CPNE3: variants seen among roughly 807,000 people sequenced by gnomAD.
CPNE3 encodes the protein copine-3.
In CPNE3, 68 loss-of-function variants were observed where a neutral mutation model predicts 63.9. The observed-to-expected ratio is 1.06, with a 90% CI of 0.87 to 1.30. The LOEUF is 1.30. Among genes scored for constraint, CPNE3 ranks in the 50% most tolerant of loss-of-function variants. The pLI, the probability that CPNE3 is intolerant of heterozygous loss-of-function variation, is 0.00. For synonymous variants in CPNE3, 219 were observed against 197.5 expected (o/e 1.11, Z -0.91); for missense variants, 665 against 578.1 (o/e 1.15, Z -1.54).
At chr8:86,555,732 T>C (rs971449424) in intron 15 of CPNE3, among the ~76,000 whole-genome samples, 1 of 152,254 alleles carries the variant, frequency 6.6e-6, no homozygotes, top group Admixed American at 6.5e-5. Flanking sequence ...ATAATTTTTG[T>C]ATTTATTTGA....
At chr8:86,537,452 TACTA>T in intron 6 of CPNE3, 107 bp from the exon 7 acceptor site, 1 of 709,924 alleles carries the variant, frequency 1.4e-6, no homozygotes, top group South Asian at 1.5e-5. Flanking sequence ...TTACTATCAA[TACTA>T]TAGAGTTAGA....
chr8:86,518,563 G>T (rs72690442), intron 2 of CPNE3, among the ~76,000 whole-genome samples: 34,521 of 151,870 alleles, frequency 0.23, 4,092 homozygotes, highest in Non-Finnish European at 0.27. Flanking sequence ...GCTTTGCCAA[G>T]ATGCATGTTC....
rs146519175 is a variant in CPNE3 at position 86,545,714 on chromosome 8, C to G, written c.732+876C>G. Among the ~76,000 whole-genome samples, 472 of 152,190 alleles carry G rather than the reference C, an allele frequency of 3.1e-3. 2 individuals carry two copies. The highest frequency in any genetic ancestry group is 0.011 in the African/African-American group (451 of 41,544). ...AAACTAGTAATGACTGTCTGAAGTACATAAGTGGCTTTGTGTTAACCAGAA... is the reference window on the plus strand; with the variant it reads ...AAACTAGTAATGACTGTCTGAAGTAGATAAGTGGCTTTGTGTTAACCAGAA... On this transcript the variant is annotated intron_variant, in intron 9 of 16. Transcript: ENST00000517490.
At chr8:86,532,474 A>G (rs1413967171) in intron 5 of CPNE3, 35 bp from the exon 6 acceptor site, 1 of 1,542,420 alleles carries the variant, frequency 6.5e-7, no homozygotes, top group South Asian at 1.2e-5. Context: ...AATTCCTAAA[A>G]CATATTTTCT....
rs1329172515 is a variant in CPNE3 at position 86,547,768 on chromosome 8, A to G, written c.877A>G (p.Thr293Ala). 7 of 1,276,496 alleles carry G rather than the reference A, an allele frequency of 5.5e-6. 1 individual carries two copies. The highest frequency in any genetic ancestry group is 4.8e-5 in the South Asian group (4 of 82,892). The allele number at this position is 1,276,496 out of a possible 1,614,324, so 79.1% of individuals were successfully genotyped here. A position where few individuals can be genotyped will look rare whatever the true frequency, so the allele number is the denominator to read the frequency against. Residue 293 changes from threonine to alanine, a missense_variant and splice_region_variant, in exon 11 of 17, where the codon ACT (threonine) becomes GCT (alanine). Physicochemically the swap from Thr to Ala is moderately conservative, Grantham distance 58. Coordinates refer to ENST00000517490, the MANE Select transcript of CPNE3 (RefSeq NM_003909.5). The part of the protein sequence containing the change: ...YIMGGCQLNF[T>A]VGVDFTGSNG... ...AATGGGAGGATGTCAGCTGAATTTT[A>G]CTGTAAGTAACACACTGAATTTTTC...
intron 2 of CPNE3, among the ~76,000 whole-genome samples, chr8:86,526,385 G>T (rs1438453614): frequency 6.6e-6 from 1 of 152,016 alleles, no homozygotes; most frequent in South Asian, 2.1e-4. Context: ...AAAAAAATAT[G>T]AAACATGGGA....
chr8:86,551,313 T>C (rs1586849118), intron 14 of CPNE3, 79 bp downstream of exon 14: 1 of 1,034,758 alleles, frequency 9.7e-7, no homozygotes, highest in South Asian at 1.4e-5. Context: ...GTTCTTTGTT[T>C]TTTTTCTTGT....
chr8:86,524,848 T>TTTTC (rs112667695), intron 2 of CPNE3: 1,500 of 133,644 alleles, frequency 0.011, 44 homozygotes, highest in East Asian at 0.02. Context: ...ATTTTTTCAT[T>TTTTC]TTTCTTTCTT....
chr8:86,528,604 A>T lies in CPNE3; in HGVS notation c.59A>T (p.Asp20Val). The T allele has an allele frequency of 6.2e-7, 1 of 1,614,100 alleles. No individual in the cohort carries two copies. The highest frequency in any genetic ancestry group is 1.1e-5 in the South Asian group (1 of 91,072). Reference protein sequence around the residue: ...ALNVSCANLLDKDIGSKSDPL... With the variant: ...ALNVSCANLLVKDIGSKSDPL... ...AATGTTTCCTGTGCCAATCTTTTGG[A>T]TAAAGATATAGGGTCAAAGTCAGAC... Residue 20 changes from aspartate to valine, a missense_variant, in exon 3 of 17, where the codon GAT becomes GTT. Transcript: ENST00000517490.
At chr8:86,538,593 A>T (rs1820858718) in intron 7 of CPNE3, among the ~76,000 whole-genome samples, 1 of 152,076 alleles carries the variant, frequency 6.6e-6, no homozygotes, top group South Asian at 2.1e-4. Context: ...TTTGGATTTG[A>T]CTATTATATT....
chr8:86,528,836 A>G (rs1330378654), intron 3 of CPNE3, 109 bp from the exon 4 acceptor site: 8 of 1,305,328 alleles, frequency 6.1e-6, no homozygotes, highest in Non-Finnish European at 1.0e-6. Context: ...CACATATAGA[A>G]ACTTCCTTTA....
chr8:86,525,999 C>T (rs1355546242), intron 2 of CPNE3, among the ~76,000 whole-genome samples: 1 of 152,170 alleles, frequency 6.6e-6, no homozygotes, highest in Non-Finnish European at 1.5e-5. Context: ...TGCATTATCT[C>T]CATTTTTACT....
chr8:86,540,380 T>C (rs968957462), intron 8 of CPNE3, 46 bp downstream of exon 8: 6 of 889,674 alleles, frequency 6.7e-6, no homozygotes, highest in Admixed American at 5.8e-5. Flanking sequence ...TATACCCATG[T>C]TCACCTATTT....
chr8:86,544,699 C>T, intron 8 of CPNE3, 41 bp from the exon 9 acceptor site: 1 of 998,824 alleles, frequency 1.0e-6, no homozygotes, highest in South Asian at 2.9e-5. Context: ...TTTAATAAAA[C>T]TATATTGATT....
chr8:86,520,449 G>A (rs1003020854), intron 2 of CPNE3, among the ~76,000 whole-genome samples: 24 of 150,352 alleles, frequency 1.6e-4, no homozygotes, highest in African/African-American at 5.8e-4. Flanking sequence ...CAGCAACTCA[G>A]GAGGCTGAGG....
chr8:86,559,033 GT>G lies in CPNE3; in HGVS notation c.*629del, dbSNP rs1821381388. The G allele has an allele frequency of 6.6e-6, 1 of 152,170 alleles. No individual in the cohort carries two copies. Among genetic ancestry groups the G allele is most frequent in the Non-Finnish European group, 1.5e-5 (1 of 68,028 alleles). 9.4% of individuals were successfully genotyped at this position (152,170 alleles called of 1,614,324 possible). Reference sequence around the variant, plus strand: ...ATGAGCAGGAAAAGGCACATACTCAGTTTTTTAAATGTACAATCAACAAGTA... The same window carrying G: ...ATGAGCAGGAAAAGGCACATACTCAGTTTTTAAATGTACAATCAACAAGTA... On this transcript the variant is annotated 3_prime_UTR_variant, in exon 17 of 17. Transcript: ENST00000517490.
chr8:86,537,333 A>G (rs1037920980), intron 6 of CPNE3, among the ~76,000 whole-genome samples: 2 of 152,214 alleles, frequency 1.3e-5, no homozygotes, highest in Non-Finnish European at 2.9e-5. Context: ...TTGAGAAGTC[A>G]GGGTATGATA....
At position 86,546,050 on chromosome 8, in the gene CPNE3, A is replaced by G. The variant is rs952190271; in HGVS notation, c.733-545A>G. Among the ~76,000 whole-genome samples the G allele has an allele frequency of 5.3e-5, 8 of 152,170 alleles. 1 individual carries two copies. The highest frequency in any genetic ancestry group is 1.2e-4 in the Non-Finnish European group (8 of 68,018). On this transcript the variant is annotated intron_variant, in intron 9 of 16. Transcript: ENST00000517490. ...GATCATTCTTTTGGGGGAAGGAAAT[A>G]TAAACAAGAGGAGGTGTTAGATCAA...
intron 8 of CPNE3, 34 bp from the exon 9 acceptor site, chr8:86,544,706 G>T: frequency 1.9e-6 from 2 of 1,071,722 alleles, no homozygotes; most frequent in Non-Finnish European, 2.5e-6. Flanking sequence ...AAACTATATT[G>T]ATTTTTATAT....
Sources: gnomAD v4.1 joint callset for allele counts (sites outside exome capture counted in the v4.1 genomes callset) on GRCh38, gnomAD v4.1.1 for gene constraint, MANE v1.5 for transcripts, NCBI Gene and HGNC (gene_info 2026-07-23, HGNC 2026-07-21) for gene names.